CARD8: variants seen among roughly 807,000 people sequenced by gnomAD.
CARD8 encodes the protein caspase recruitment domain-containing protein 8.
Under a neutral mutation model 53.2 loss-of-function variants are expected in CARD8, and 38 were observed. The ratio of observed to expected loss-of-function variants is 0.71; its 90% CI spans 0.55 to 0.94. CARD8 has a LOEUF of 0.94. Among genes scored for constraint, CARD8 ranks in the 40% least tolerant of loss-of-function variants. The pLI is 0.00. For synonymous variants in CARD8, 245 were observed against 244.9 expected, an observed-to-expected ratio of 1.00 and a Z score of 0.00; for missense variants, 561 against 655.5, an observed-to-expected ratio of 0.86 and a Z score of 1.57.
intron 10 of CARD8, among the ~76,000 whole-genome samples, chr19:48,226,713 T>C (rs1427471356): frequency 1.3e-5 from 2 of 152,104 alleles, no homozygotes; most frequent in East Asian, 3.8e-4. Flanking sequence ...CTAGCAAAAA[T>C]GGCAGTGGAT....
intron 3 of CARD8, among the ~76,000 whole-genome samples, chr19:48,246,627 AC>A (rs2046164979): frequency 6.6e-6 from 1 of 152,078 alleles, no homozygotes. Flanking sequence ...ATAAAAAAAA[AC>A]ATTGCTCTAG....
chr19:48,221,799 T>C lies in CARD8; in HGVS notation c.1092A>G (p.Pro364=). 6.2e-7 allele frequency: 1 copy of C among 1,610,360 alleles called. No individual in the cohort carries two copies. ...TGGAACCAAAGTTCAGGGGTTCCAT[T>C]GGGGGCGAAGTCTGCAGGCGCACAC... ...FHGVRLQTSP[P]MEPLNFGSSY... The change falls in exon 11 of 14, where the codon CCA becomes CCG. Residue 364 remains proline, a synonymous_variant. Transcript: ENST00000651546.
intron 10 of CARD8, among the ~76,000 whole-genome samples, chr19:48,224,975 G>C (rs1019602742): frequency 2.6e-5 from 4 of 151,536 alleles, no homozygotes; most frequent in African/African-American, 9.7e-5. Context: ...GGATGGTCTC[G>C]ATCTCCTGCC....
Position 48,241,007 on chromosome 19 carries a change from T to G in CARD8, c.14A>C (p.Glu5Ala). The change falls in exon 4 of 14, where the codon GAG becomes GCG. Residue 5 changes from glutamate to alanine, a missense_variant. Glu to Ala is a moderately radical substitution (Grantham distance 107). Transcript: ENST00000651546. ...ACTGCTGCTACTCTTTTCTGGACAC[T>G]CCTTTTTTTCCATTTGTCAAATGTG... is the stretch of plus-strand genomic sequence containing the variant. MEKK[E>A]CPEKSSSSEE... is the part of the protein sequence containing the mutation. The G allele has an allele frequency of 6.5e-7, 1 of 1,535,960 alleles. No individual in the cohort carries two copies. The highest frequency in any genetic ancestry group is 8.7e-7 in the Non-Finnish European group (1 of 1,146,690).
chr19:48,223,089 A>G (rs1272237856), intron 10 of CARD8, among the ~76,000 whole-genome samples: 1 of 152,182 alleles, frequency 6.6e-6, no homozygotes, highest in Non-Finnish European at 1.5e-5. Context: ...AGATCACCTG[A>G]GGTCAGGAGT....
chr19:48,238,273 T>C (rs1419636692), intron 5 of CARD8, 110 bp downstream of exon 5: 17 of 1,426,916 alleles, frequency 1.2e-5, no homozygotes, highest in Non-Finnish European at 1.4e-5. Context: ...ACATATATAC[T>C]AATTTTTATG....
chr19:48,241,268 T>C (rs537117934), intron 3 of CARD8, among the ~76,000 whole-genome samples: 1 of 152,138 alleles, frequency 6.6e-6, no homozygotes. Flanking sequence ...AAACTTCCTT[T>C]TTTTTTAGAT....
intron 10 of CARD8, among the ~76,000 whole-genome samples, chr19:48,230,108 G>A (rs2042559143): frequency 6.6e-6 from 1 of 152,050 alleles, no homozygotes; most frequent in African/African-American, 2.4e-5. Context: ...GTAAGACTCT[G>A]TCTCTAAAAA....
chr19:48,253,351 C>T (rs975928752), intron 1 of CARD8, among the ~76,000 whole-genome samples: 17 of 152,180 alleles, frequency 1.1e-4, no homozygotes, highest in African/African-American at 3.6e-4. Flanking sequence ...TCCCAAAGTG[C>T]TGTAATTACA....
chr19:48,214,535 T>G (rs2038787144), intron 13 of CARD8, among the ~76,000 whole-genome samples: 1 of 152,090 alleles, frequency 6.6e-6, no homozygotes, highest in African/African-American at 2.4e-5. Flanking sequence ...AGCATGCGTA[T>G]GACTCCAAGA....
At chr19:48,220,959 A>AAGGAAGGAAGGC (rs2040421895) in intron 11 of CARD8, among the ~76,000 whole-genome samples, 1 of 77,900 alleles carries the variant, frequency 1.3e-5, no homozygotes, top group Non-Finnish European at 2.7e-5. Flanking sequence ...AAAGGAAAGG[A>AAGGAAGGAAGGC]AGGAAGGAAG....
chr19:48,246,368 G>A (rs58322704), intron 3 of CARD8, among the ~76,000 whole-genome samples: 7,708 of 151,888 alleles, frequency 0.051, 653 homozygotes, highest in African/African-American at 0.17. Flanking sequence ...ACTTCTCCAC[G>A]GATCCTTGGC....
intron 6 of CARD8, chr19:48,233,449 G>A (rs4802449): frequency 0.37 from 167,290 of 455,348 alleles, 31,960 homozygotes; most frequent in African/African-American, 0.52. Flanking sequence ...CGCTTTTCTC[G>A]GAAGGATTCT....
chr19:48,219,086 A>G, intron 11 of CARD8, 74 bp from the exon 12 acceptor site: 1 of 1,415,314 alleles, frequency 7.1e-7, no homozygotes, highest in Non-Finnish European at 9.9e-7. Flanking sequence ...GAACTGGCCA[A>G]TGGAACTTAA....
intron 10 of CARD8, among the ~76,000 whole-genome samples, chr19:48,228,702 G>C (rs1346871833): frequency 3.3e-5 from 5 of 152,156 alleles, no homozygotes; most frequent in Admixed American, 6.6e-5. Context: ...GGCCATTCTA[G>C]ATTTTGGCGG....
intron 10 of CARD8, among the ~76,000 whole-genome samples, chr19:48,229,175 A>T (rs758948957): frequency 6.6e-6 from 1 of 152,116 alleles, no homozygotes; most frequent in African/African-American, 2.4e-5. Flanking sequence ...AAGAACAAGG[A>T]GGCTTCTTGG....
chr19:48,223,972 T>G, intron 10 of CARD8: 1 of 446,182 alleles, frequency 2.2e-6, no homozygotes, highest in South Asian at 1.6e-5. Context: ...CAAATGCAAT[T>G]TTTTTTTGAG....
chr19:48,216,562 C>A (rs1312556632), intron 12 of CARD8, among the ~76,000 whole-genome samples: 1 of 152,190 alleles, frequency 6.6e-6, no homozygotes, highest in Non-Finnish European at 1.5e-5. Flanking sequence ...CAAGTGCAGT[C>A]CCAGCTCATG....
intron 11 of CARD8, 95 bp from the exon 12 acceptor site, chr19:48,219,107 G>C: frequency 8.9e-7 from 1 of 1,125,984 alleles, no homozygotes; most frequent in South Asian, 1.4e-5. Flanking sequence ...CCCGTTTCCT[G>C]TGCAATGTCA....
Sources: allele counts gnomAD v4.1 joint callset (sites outside exome capture counted in the v4.1 genomes callset), GRCh38; gene constraint gnomAD v4.1.1; transcripts MANE v1.5; gene names NCBI Gene and HGNC (gene_info 2026-07-23, HGNC 2026-07-21).